The following MTMR3 variants were observed in gnomAD, a reference collection of about 807,000 sequenced individuals.
MTMR3 encodes the protein myotubularin related protein 3, also known as phosphatidylinositol-3,5-bisphosphate 3-phosphatase MTMR3.
A neutral mutation model predicts 132.4 loss-of-function variants in MTMR3; 32 were observed. The ratio of observed to expected loss-of-function variants is 0.24; its 90% CI spans 0.18 to 0.32. The LOEUF is 0.32. MTMR3 is among the 10% of genes least tolerant of loss of function. The pLI is 1.00. For missense variants in MTMR3, 1,216 were observed against 1,489.6 expected (o/e 0.82, Z 3.02); for synonymous variants, 556 against 550.3 (o/e 1.01, Z -0.14).
chr22:29,966,431 A>T (rs371482308), intron 2 of MTMR3, among the ~76,000 whole-genome samples: 1 of 152,012 alleles, frequency 6.6e-6, no homozygotes, highest in African/African-American at 2.4e-5. Flanking sequence ...TTTCCCTTCT[A>T]TGTCGGTCTT....
At chr22:29,947,169 T>C (rs532696348) in intron 1 of MTMR3, among the ~76,000 whole-genome samples, 12 of 152,298 alleles carry the variant, frequency 7.9e-5, no homozygotes, top group Middle Eastern at 3.4e-3. Flanking sequence ...AGAGCTTGGA[T>C]AAACATATTA....
chr22:29,921,457 C>A (rs2065410990), intron 1 of MTMR3, among the ~76,000 whole-genome samples: 1 of 152,170 alleles, frequency 6.6e-6, no homozygotes, highest in South Asian at 2.1e-4. Context: ...ATATCTAAAC[C>A]ACGTCAAGGA....
At chr22:29,970,945 T>TTTTTCTTCCCC in intron 2 of MTMR3, 31 bp from the exon 3 acceptor site, 4 of 756,720 alleles carry the variant, frequency 5.3e-6, no homozygotes, top group East Asian at 3.9e-5. Context: ...CTTTTTTTTT[T>TTTTTCTTCCCC]CTTCTTCCCC....
At chr22:30,010,702 C>T (rs1160881020) in intron 12 of MTMR3, 2 of 152,164 alleles carry the variant, frequency 1.3e-5, no homozygotes, top group African/African-American at 2.4e-5. Context: ...AACCTCACAC[C>T]GGTTCTCTTG....
chr22:29,967,193 T>TGTGTGTGTG (rs2066439375), intron 2 of MTMR3, among the ~76,000 whole-genome samples: 1 of 141,958 alleles, frequency 7.0e-6, no homozygotes, highest in African/African-American at 2.7e-5. Flanking sequence ...TTCACCTCTG[T>TGTGTGTGTG]TGTGTGTGTG....
chr22:30,002,821 C>T (rs1569044429), intron 8 of MTMR3, 59 bp from the exon 9 acceptor site: 3 of 1,298,060 alleles, frequency 2.3e-6, no homozygotes, highest in East Asian at 2.3e-5. Context: ...CTCTCTCTCC[C>T]GTTTTCTCTC....
In MTMR3 at chr22:29,973,756, C is replaced by T. The variant is rs1206845818; in HGVS notation, c.3+2694C>T. Among the ~76,000 whole-genome samples the T allele has an allele frequency of 7.2e-5, 11 of 152,278 alleles. No individual in the cohort carries two copies. In the East Asian group the frequency reaches 7.7e-4, roughly 11 times the overall value. ...CTGAGATTACAGGCGCTTGCCACCA[C>T]GCCCAGCTAATTTTTGTATTTTAGT... On this transcript the variant is annotated intron_variant, in intron 3 of 19. Transcript: ENST00000401950.
In MTMR3 at chr22:29,896,914, CAA is replaced by C. The variant is rs1328070682; in HGVS notation, c.-138+13557_-138+13558del. On this transcript the variant is annotated intron_variant, in intron 1 of 19. Transcript: ENST00000401950. ...ACACACACACACACATACACACACA[CAA>C]ATCCCATATAGAATCTACAAAGCCT... Among the ~76,000 whole-genome samples, 98 of 139,996 alleles carry C rather than the reference CAA, an allele frequency of 7.0e-4. 3 individuals are homozygous for C. The South Asian group carries it at 0.02, about 29-fold the overall frequency. 91.8% of individuals were successfully genotyped at this position (139,996 alleles called of 152,430 possible). A position where few individuals can be genotyped will look rare whatever the true frequency, so the allele number is the denominator to read the frequency against.
intron 6 of MTMR3, 188 bp from the exon 7 acceptor site, chr22:29,991,316 G>A (rs2066956567): frequency 4.3e-6 from 2 of 465,302 alleles, no homozygotes; most frequent in South Asian, 9.1e-5. Context: ...TGGACATTTT[G>A]TTCCATTGGC....
intron 1 of MTMR3, among the ~76,000 whole-genome samples, chr22:29,888,364 C>G (rs1435228711): frequency 6.6e-6 from 1 of 151,806 alleles, no homozygotes; most frequent in Non-Finnish European, 1.5e-5. Flanking sequence ...TTGTTTTTTT[C>G]TTTTGGGTTG....
Position 29,966,799 on chromosome 22 carries a change from G to T in MTMR3, c.-84-4177G>T, listed in dbSNP as rs887999668. ...TGTCTCTGTGTGTGTGTGAGAGAGA[G>T]AATGTTTCTTTATGAACTCATATTT... On this transcript the variant is annotated intron_variant, in intron 2 of 19. Transcript: ENST00000401950. Among the ~76,000 whole-genome samples, 5 of 150,890 alleles carry T rather than the reference G, an allele frequency of 3.3e-5. No homozygotes were observed. In the South Asian group the frequency reaches 8.4e-4, roughly 25 times the overall value.
chr22:29,892,760 A>G (rs1399237860), intron 1 of MTMR3, among the ~76,000 whole-genome samples: 2 of 152,260 alleles, frequency 1.3e-5, no homozygotes, highest in Non-Finnish European at 2.9e-5. Flanking sequence ...TATATTAAGC[A>G]ACTTGAGTGA....
rs1031227740 is a variant in MTMR3, at chr22:30,030,521, C to T, written c.*4720C>T. ...TTTCACCCACAAACAGTTGTTGAGC[C>T]CCTGGATTTGGGTTGTCACTGTGGT... is the stretch of plus-strand genomic sequence containing the variant. On this transcript the variant is annotated 3_prime_UTR_variant, in exon 20 of 20. Coordinates refer to ENST00000401950, the MANE Select transcript of MTMR3 (RefSeq NM_021090.4). 6.6e-6 allele frequency: 1 copy of T among 151,618 alleles called. No individual in the cohort carries two copies. The highest frequency in any genetic ancestry group is 2.4e-5 in the African/African-American group (1 of 41,178). The allele number at this position is 151,618 out of a possible 1,614,324, so 9.4% of individuals were successfully genotyped here.
At chr22:29,939,866 C>G (rs553764775) in intron 1 of MTMR3, among the ~76,000 whole-genome samples, 1 of 152,256 alleles carries the variant, frequency 6.6e-6, no homozygotes, top group South Asian at 2.1e-4. Context: ...AACTGAAGAA[C>G]CATGAAAGAT....
At chr22:29,991,414 A>T in intron 6 of MTMR3, 90 bp from the exon 7 acceptor site, 1 of 1,307,522 alleles carries the variant, frequency 7.6e-7, no homozygotes, top group Non-Finnish European at 1.0e-6. Context: ...CCACTTCACT[A>T]CGAGTGGGCA....
intron 1 of MTMR3, among the ~76,000 whole-genome samples, chr22:29,900,114 T>A (rs1286125025): frequency 1.3e-5 from 2 of 152,196 alleles, no homozygotes; most frequent in African/African-American, 4.8e-5. Context: ...AATGAAATTT[T>A]AAAATTATTA....
intron 1 of MTMR3, among the ~76,000 whole-genome samples, chr22:29,904,476 CCTGT>C (rs1252053648): frequency 6.6e-6 from 1 of 152,154 alleles, no homozygotes; most frequent in Non-Finnish European, 1.5e-5. Flanking sequence ...CTACCACTTA[CCTGT>C]CTGTGATCTT....
rs1464233767 is a variant in MTMR3, at chr22:30,026,920, C to T, written c.*1119C>T. 1.3e-5 allele frequency: 2 copies of T among 152,864 alleles called. No homozygotes were observed. Among genetic ancestry groups the T allele is most frequent in the Non-Finnish European group, 2.9e-5 (2 of 68,088 alleles). 9.5% of individuals were successfully genotyped at this position (152,864 alleles called of 1,614,324 possible). A position where few individuals can be genotyped will look rare whatever the true frequency, so the allele number is the denominator to read the frequency against. ...TAACTGCTGAGCAGTCCCCCTTTGCCACTCCTGGCTGTCTGAGTGGGCACT... is the reference window on the plus strand; with the variant it reads ...TAACTGCTGAGCAGTCCCCCTTTGCTACTCCTGGCTGTCTGAGTGGGCACT... On this transcript the variant is annotated 3_prime_UTR_variant, in exon 20 of 20. Coordinates refer to ENST00000401950, the MANE Select transcript of MTMR3 (RefSeq NM_021090.4).
chr22:29,994,123 C>G (rs1056027220), intron 7 of MTMR3: 1 of 985,244 alleles, frequency 1.0e-6, no homozygotes. Flanking sequence ...TAAGTGCCCC[C>G]TATGTGCCAT....
Sources: gnomAD v4.1 joint callset for allele counts (sites outside exome capture counted in the v4.1 genomes callset) on GRCh38, gnomAD v4.1.1 for gene constraint, MANE v1.5 for transcripts, NCBI Gene and HGNC (gene_info 2026-07-23, HGNC 2026-07-21) for gene names.